The following FAM3C variants were observed in gnomAD, a reference collection of about 807,000 sequenced individuals.
FAM3C encodes protein FAM3C.
FAM3C carries 15 observed loss-of-function variants against 32.5 expected under a neutral mutation model. The observed-to-expected ratio is 0.46, with a 90% CI of 0.31 to 0.71. The LOEUF (loss-of-function observed/expected upper bound fraction) is 0.71, where lower values mean the gene tolerates loss of function less well. FAM3C is among the 30% of genes least tolerant of loss of function. The pLI is 0.05. For missense variants in FAM3C, 175 were observed against 274.4 expected, an observed-to-expected ratio of 0.64 and a Z score of 2.56; for synonymous variants, 75 against 86.1, an observed-to-expected ratio of 0.87 and a Z score of 0.72.
intron 1 of FAM3C, among the ~76,000 whole-genome samples, chr7:121,394,828 T>C (rs1794652958): frequency 6.6e-6 from 1 of 152,248 alleles, no homozygotes; most frequent in Admixed American, 6.5e-5. Flanking sequence ...GCCAATTTCT[T>C]GTTAAATGGC....
At chr7:121,354,449 G>C (rs1175484482) in intron 8 of FAM3C, among the ~76,000 whole-genome samples, 2 of 152,164 alleles carry the variant, frequency 1.3e-5, no homozygotes, top group Non-Finnish European at 2.9e-5. Context: ...GCTGCCCAGA[G>C]GCAATCTAAA....
At position 121,358,172 on chromosome 7, in the gene FAM3C, GCA is replaced by G. The variant is rs1793849016; in HGVS notation, c.467+1869_467+1870del. ...TATTCTTAGTTGAACCAGATAAAAC[GCA>G]CAATGTCAATGAAATTACTTCAGCT... On this transcript the variant is annotated intron_variant, in intron 8 of 9. Transcript: ENST00000359943. 3.3e-5 allele frequency among the ~76,000 whole-genome samples: 5 copies of G among 152,090 alleles called. No homozygotes were observed. The South Asian group carries it at 1.0e-3, about 32-fold the overall frequency.
chr7:121,351,208 C>G lies in FAM3C; in HGVS notation c.529G>C (p.Gly177Arg). The G allele has an allele frequency of 6.2e-7, 1 of 1,613,570 alleles. No homozygotes were observed. Among genetic ancestry groups the G allele is most frequent in the Non-Finnish European group, 8.5e-7 (1 of 1,179,710 alleles). ...DLGSTSITNLGFRDNWVFCGG... is the reference protein window; with the variant it reads ...DLGSTSITNLRFRDNWVFCGG... ...CAGAAGACCCAGTTGTCTCTAAAAC[C>G]AAGATTAGTAATAGATGTGCTCCCC... The change falls in exon 9 of 10, where the codon GGT becomes CGT. Residue 177 changes from glycine to arginine, a missense_variant. Coordinates refer to ENST00000359943, the MANE Select transcript of FAM3C (RefSeq NM_014888.3).
chr7:121,352,467 T>C (rs974536382), intron 8 of FAM3C, among the ~76,000 whole-genome samples: 1 of 152,172 alleles, frequency 6.6e-6, no homozygotes, highest in Non-Finnish European at 1.5e-5. Flanking sequence ...TTCACTAGAA[T>C]CAGCAAGAAA....
intron 3 of FAM3C, 21 bp from the exon 4 acceptor site, chr7:121,372,160 T>C: frequency 6.3e-7 from 1 of 1,585,120 alleles, no homozygotes; most frequent in East Asian, 2.2e-5. Context: ...AAAATTACTT[T>C]TGTTAGAAGG....
chr7:121,373,092 CA>C (rs1250919189), intron 3 of FAM3C, among the ~76,000 whole-genome samples: 1 of 150,742 alleles, frequency 6.6e-6, no homozygotes, highest in Non-Finnish European at 1.5e-5. Context: ...ATGCCCAGAA[CA>C]AAGCAGAAAA....
intron 1 of FAM3C, among the ~76,000 whole-genome samples, chr7:121,386,344 C>T (rs1794464017): frequency 6.6e-6 from 1 of 152,072 alleles, no homozygotes; most frequent in Non-Finnish European, 1.5e-5. Flanking sequence ...TTAACCCAAC[C>T]AACTTAGAAA....
At chr7:121,393,544 G>A (rs549857603) in intron 1 of FAM3C, among the ~76,000 whole-genome samples, 1 of 152,190 alleles carries the variant, frequency 6.6e-6, no homozygotes, top group East Asian at 1.9e-4. Context: ...ATGAATAGCG[G>A]ATTTTCAAAA....
chr7:121,363,257 C>T (rs1793962693), intron 6 of FAM3C, among the ~76,000 whole-genome samples: 1 of 152,056 alleles, frequency 6.6e-6, no homozygotes, highest in Admixed American at 6.5e-5. Context: ...TATATTTCAT[C>T]GTTGTTTCCA....
At chr7:121,353,174 T>C (rs1562882207) in intron 8 of FAM3C, among the ~76,000 whole-genome samples, 1 of 152,128 alleles carries the variant, frequency 6.6e-6, no homozygotes, top group Non-Finnish European at 1.5e-5. Context: ...CCCTGCAAAA[T>C]AGAAGGTTAT....
intron 5 of FAM3C, 41 bp from the exon 6 acceptor site, chr7:121,364,229 T>C: frequency 7.8e-7 from 1 of 1,274,484 alleles, no homozygotes; most frequent in Non-Finnish European, 1.1e-6. Flanking sequence ...AATTAAATAT[T>C]GTACAATAAC....
chr7:121,362,810 C>A, intron 7 of FAM3C, 87 bp downstream of exon 7: 1 of 738,922 alleles, frequency 1.4e-6, no homozygotes, highest in Admixed American at 2.4e-5. Context: ...CAAATAGCAT[C>A]ATCATTCTCT....
chr7:121,365,724 A>C (rs1168111507), intron 5 of FAM3C, among the ~76,000 whole-genome samples: 1 of 152,172 alleles, frequency 6.6e-6, no homozygotes, highest in Non-Finnish European at 1.5e-5. Context: ...AAATTGGCAA[A>C]GTGAATTAAA....
intron 5 of FAM3C, among the ~76,000 whole-genome samples, chr7:121,367,301 T>C (rs1173541814): frequency 6.6e-6 from 1 of 152,210 alleles, no homozygotes; most frequent in Non-Finnish European, 1.5e-5. Flanking sequence ...TAGTTATTAG[T>C]TATTATCTCT....
intron 6 of FAM3C, among the ~76,000 whole-genome samples, chr7:121,363,739 A>C (rs894752449): frequency 5.3e-5 from 8 of 152,172 alleles, no homozygotes; most frequent in African/African-American, 1.9e-4. Context: ...GTGGCTGATA[A>C]TGAAAAATTA....
chr7:121,354,574 A>G (rs527674237), intron 8 of FAM3C, among the ~76,000 whole-genome samples: 1 of 152,300 alleles, frequency 6.6e-6, no homozygotes, highest in Non-Finnish European at 1.5e-5. Flanking sequence ...AACCAAGCCA[A>G]TGCTGCCTTT....
chr7:121,395,744 A>T (rs530471534), intron 1 of FAM3C, among the ~76,000 whole-genome samples: 15 of 152,196 alleles, frequency 9.9e-5, no homozygotes, highest in African/African-American at 3.4e-4. Context: ...CCCCCTATGG[A>T]GTTGGAATGC....
At chr7:121,379,447 C>T (rs1234497915) in intron 2 of FAM3C, among the ~76,000 whole-genome samples, 3 of 151,906 alleles carry the variant, frequency 2.0e-5, no homozygotes, top group African/African-American at 4.8e-5. Flanking sequence ...GTCCACTAAG[C>T]GAGGAATTCT....
intron 8 of FAM3C, among the ~76,000 whole-genome samples, chr7:121,353,943 AC>A (rs1793759392): frequency 6.6e-6 from 1 of 152,182 alleles, no homozygotes; most frequent in Non-Finnish European, 1.5e-5. Context: ...GGTTTGGGGG[AC>A]GTCTAACACA....
Sources: allele counts gnomAD v4.1 joint callset (sites outside exome capture counted in the v4.1 genomes callset), GRCh38; gene constraint gnomAD v4.1.1; transcripts MANE v1.5; gene names NCBI Gene and HGNC (gene_info 2026-07-23, HGNC 2026-07-21).